Variants in TAOK1 observed in about 807,000 individuals in gnomAD.
TAOK1 encodes TAO kinase 1, also known as serine/threonine-protein kinase TAO1.
A neutral mutation model predicts 138.3 loss-of-function variants in TAOK1; 21 were observed. The ratio of observed to expected loss-of-function variants is 0.15; its 90% CI spans 0.11 to 0.22. The LOEUF (loss-of-function observed/expected upper bound fraction) is 0.22. Ranked by LOEUF, TAOK1 falls within the 10% of genes least tolerant of loss-of-function variation. TAOK1 has a pLI of 1.00. For missense variants in TAOK1, 651 were observed against 1,227.7 expected, an observed-to-expected ratio of 0.53 and a Z score of 7.02; for synonymous variants, 361 against 398.4, an observed-to-expected ratio of 0.91 and a Z score of 1.12.
chr17:29,423,242 CAG>C (rs1905515105), intron 1 of TAOK1, among the ~76,000 whole-genome samples: 1 of 128,032 alleles, frequency 7.8e-6, no homozygotes, highest in Non-Finnish European at 1.6e-5. Flanking sequence ...TTTTTTGAGA[CAG>C]AGTCTCCCTC....
rs1248082857 is a variant in TAOK1 at position 29,502,682 on chromosome 17, C to A, written c.1297C>A (p.Arg433Ser). 6.2e-7 allele frequency: 1 copy of A among 1,613,814 alleles called. No individual in the cohort carries two copies. Among genetic ancestry groups the A allele is most frequent in the Non-Finnish European group, 8.5e-7 (1 of 1,179,960 alleles). ...AGTATCTCGTCACAAATCACACTAT[C>A]GTAATCGAGAACACTTTGCTACTAT... is the stretch of plus-strand genomic sequence containing the variant. ...PQVSRHKSHY[R>S]NREHFATIRT... Residue 433 changes from arginine to serine, a missense_variant, in exon 13 of 20, where the codon CGT (arginine) becomes AGT (serine). Coordinates refer to ENST00000261716, the MANE Select transcript of TAOK1 (RefSeq NM_020791.4).
chr17:29,441,190 C>A (rs1036298081), intron 1 of TAOK1, among the ~76,000 whole-genome samples: 2 of 152,034 alleles, frequency 1.3e-5, no homozygotes, highest in Admixed American at 1.3e-4. Flanking sequence ...CACTACTGGC[C>A]CATAAAATGA....
At chr17:29,542,045 T>A (rs2032327057) in intron 19 of TAOK1, among the ~76,000 whole-genome samples, 1 of 151,852 alleles carries the variant, frequency 6.6e-6, no homozygotes, top group South Asian at 2.1e-4. Flanking sequence ...GCCCGGCTAA[T>A]TTTTTGTATT....
chr17:29,423,811 G>A (rs1044396255), intron 1 of TAOK1, among the ~76,000 whole-genome samples: 2 of 151,886 alleles, frequency 1.3e-5, no homozygotes, highest in Non-Finnish European at 2.9e-5. Context: ...ACTTTGGGGG[G>A]CAGAAGCAGG....
At chr17:29,517,965 C>T (rs1018839009) in intron 16 of TAOK1, among the ~76,000 whole-genome samples, 4 of 152,138 alleles carry the variant, frequency 2.6e-5, no homozygotes, top group Admixed American at 6.6e-5. Context: ...AAGTGATTTT[C>T]GTGCCTCAGC....
intron 8 of TAOK1, among the ~76,000 whole-genome samples, chr17:29,486,422 C>T (rs936243404): frequency 2.0e-5 from 3 of 152,172 alleles, no homozygotes; most frequent in Admixed American, 1.3e-4. Context: ...CACTTGAGGT[C>T]AGGAGTTTTA....
intron 1 of TAOK1, among the ~76,000 whole-genome samples, chr17:29,410,900 G>A (rs1023107102): frequency 2.0e-5 from 3 of 151,944 alleles, no homozygotes; most frequent in Admixed American, 6.6e-5. Context: ...CTCCCCAAGT[G>A]CTGTGATTAC....
chr17:29,469,671 G>T (rs2030765804), intron 3 of TAOK1, among the ~76,000 whole-genome samples: 1 of 151,918 alleles, frequency 6.6e-6, no homozygotes, highest in African/African-American at 2.4e-5. Flanking sequence ...TATTCCATTG[G>T]GTGTATGTAT....
intron 17 of TAOK1, among the ~76,000 whole-genome samples, chr17:29,530,155 G>C (rs1389434090): frequency 6.6e-6 from 1 of 152,168 alleles, no homozygotes; most frequent in East Asian, 1.9e-4. Context: ...ATTGTTACAA[G>C]TCCTATCATA....
At chr17:29,477,288 A>G (rs895715018) in intron 4 of TAOK1, among the ~76,000 whole-genome samples, 2 of 152,200 alleles carry the variant, frequency 1.3e-5, no homozygotes, top group African/African-American at 4.8e-5. Flanking sequence ...TATTGTTACT[A>G]TAGGTTTGTA....
chr17:29,423,182 A>G (rs1213405704), intron 1 of TAOK1, among the ~76,000 whole-genome samples: 1 of 116,154 alleles, frequency 8.6e-6, no homozygotes, highest in African/African-American at 3.2e-5. Context: ...TAAGTTTCTT[A>G]ATCTGGATGC....
intron 3 of TAOK1, among the ~76,000 whole-genome samples, chr17:29,469,161 C>A (rs1365334688): frequency 1.3e-5 from 2 of 151,994 alleles, no homozygotes; most frequent in Non-Finnish European, 1.5e-5. Context: ...GTGGGTGGAT[C>A]ATTTTGAGCC....
chr17:29,468,486 A>G (rs1395749545), intron 3 of TAOK1, among the ~76,000 whole-genome samples: 1 of 151,806 alleles, frequency 6.6e-6, no homozygotes, highest in Non-Finnish European at 1.5e-5. Flanking sequence ...TCTTGGAAAG[A>G]TTATCAGTTT....
chr17:29,498,206 C>G, intron 11 of TAOK1, 112 bp from the exon 12 acceptor site: 1 of 1,075,762 alleles, frequency 9.3e-7, no homozygotes, highest in African/African-American at 1.6e-5. Context: ...CATGATAGAC[C>G]AACTTTCTGA....
At chr17:29,507,587 A>G (rs555869686) in intron 13 of TAOK1, among the ~76,000 whole-genome samples, 6 of 152,108 alleles carry the variant, frequency 3.9e-5, no homozygotes, top group African/African-American at 7.2e-5. Context: ...TTTTTATTCT[A>G]TTTCCTTGAT....
rs1167001777 is a variant in TAOK1 at position 29,454,305 on chromosome 17, G to A, written c.132+2625G>A. Among the ~76,000 whole-genome samples the A allele has an allele frequency of 4.6e-5, 7 of 152,144 alleles. No homozygotes were observed. In the South Asian group the frequency reaches 1.0e-3, roughly 23 times the overall value. ...TCTATCTTTATGTCAGTACCACACCGTTTTGATGACTGTAGCTTTGTGGTA... is the reference window on the plus strand; with the variant it reads ...TCTATCTTTATGTCAGTACCACACCATTTTGATGACTGTAGCTTTGTGGTA... On this transcript the variant is annotated intron_variant, in intron 2 of 19. Transcript: ENST00000261716.
intron 8 of TAOK1, among the ~76,000 whole-genome samples, chr17:29,488,597 T>TAATAAC (rs1283427544): frequency 2.7e-5 from 4 of 147,490 alleles, no homozygotes; most frequent in Non-Finnish European, 6.0e-5. Flanking sequence ...ATAATAATAA[T>TAATAAC]AATAATAATA....
chr17:29,508,187 T>C, intron 14 of TAOK1, 55 bp downstream of exon 14: 1 of 1,474,642 alleles, frequency 6.8e-7, no homozygotes, highest in South Asian at 1.1e-5. Flanking sequence ...TGTCTCAGAA[T>C]TAACCAACAT....
At chr17:29,508,215 G>T (rs1202797244) in intron 14 of TAOK1, 83 bp downstream of exon 14, 1 of 1,227,368 alleles carries the variant, frequency 8.1e-7, no homozygotes, top group South Asian at 1.3e-5. Flanking sequence ...TGATGTTAGC[G>T]TATCTGTTCC....
Sources: allele counts gnomAD v4.1 joint callset (sites outside exome capture counted in the v4.1 genomes callset), GRCh38; gene constraint gnomAD v4.1.1; transcripts MANE v1.5; gene names NCBI Gene and HGNC (gene_info 2026-07-23, HGNC 2026-07-21).